The following FGF17 variants were observed in gnomAD, a reference collection of about 807,000 sequenced individuals.
FGF17 encodes the protein fibroblast growth factor 17.
FGF17 carries 5 observed loss-of-function variants against 23.5 expected under a neutral mutation model. The observed-to-expected ratio is 0.21, with a 90% CI of 0.11 to 0.45. The LOEUF (loss-of-function observed/expected upper bound fraction) is 0.45, where lower values mean the gene tolerates loss of function less well. FGF17 is among the 20% of genes least tolerant of loss of function. The pLI is 0.99. For synonymous variants in FGF17, 136 were observed against 123.0 expected (o/e 1.11, Z -0.70); for missense variants, 221 against 306.9 (o/e 0.72, Z 2.09).
chr8:22,042,086 C>T (rs1027698918), upstream of FGF17, among the ~76,000 whole-genome samples: 6 of 152,218 alleles, frequency 3.9e-5, no homozygotes, highest in Non-Finnish European at 8.8e-5. Flanking sequence ...CATTACTGTC[C>T]TCATTTCTCA....
chr8:22,043,228 C>T (rs372106895), intron 2 of FGF17, 47 bp downstream of exon 2: 10 of 1,595,850 alleles, frequency 6.3e-6, no homozygotes, highest in South Asian at 2.2e-5. Flanking sequence ...TCCACCCTAC[C>T]TGACCAGGGC....
At chr8:22,041,926 C>T (rs1800745719), upstream of FGF17, among the ~76,000 whole-genome samples, 2 of 152,198 alleles carry the variant, frequency 1.3e-5, no homozygotes, top group African/African-American at 4.8e-5. Context: ...AGGGAGGGGA[C>T]TCCGAGCTGC....
At chr8:22,046,062 G>T (rs779322494) in intron 2 of FGF17, 52 bp from the exon 3 acceptor site, 36 of 1,613,682 alleles carry the variant, frequency 2.2e-5, no homozygotes, top group Non-Finnish European at 3.0e-5. Context: ...TGGACCAGTG[G>T]TGGTGTCACC....
upstream of FGF17, among the ~76,000 whole-genome samples, chr8:22,041,794 A>G (rs1016122981): frequency 2.0e-5 from 3 of 152,212 alleles, no homozygotes; most frequent in Non-Finnish European, 4.4e-5. Flanking sequence ...AATGTGCCTC[A>G]GTTTCCTCAT....
chr8:22,048,030 C>A lies in FGF17; in HGVS notation c.432C>A (p.Ala144=). 1 of 1,613,214 alleles carries A rather than the reference C, an allele frequency of 6.2e-7. No homozygotes were observed. The highest frequency in any genetic ancestry group is 1.1e-5 in the South Asian group (1 of 91,046). The part of the protein sequence containing the change: ...LENNYTAFQN[A]RHEGWFMAFT... ...ACAACTATACGGCCTTCCAGAACGC[C>A]CGGCACGAGGGCTGGTTCATGGCCT... The change falls in exon 5 of 5, where the codon GCC becomes GCA. Residue 144 remains alanine (A), a synonymous_variant. Transcript: ENST00000359441. The surrounding 1 kb of genome is among the most constrained non-coding windows in gnomAD (Gnocchi z 6.9).
At position 22,046,531 on chromosome 8, in the gene FGF17, G is replaced by A; in HGVS notation, c.255G>A (p.Lys85=). 2 of 1,612,704 alleles carry A rather than the reference G, an allele frequency of 1.2e-6. No individual in the cohort carries two copies. The highest frequency in any genetic ancestry group is 1.7e-6 in the Non-Finnish European group (2 of 1,179,240). The change falls in exon 4 of 5, where the codon AAG becomes AAA. Residue 85 remains lysine, a synonymous_variant. Coordinates refer to ENST00000359441, the MANE Select transcript of FGF17 (RefSeq NM_003867.4). The part of the protein sequence containing the change: ...ATAEDGNKFA[K]LIVETDTFGS... The stretch of plus-strand genomic sequence containing the variant: ...TTCTCCCCTCCCCCACCACAGCCAA[G>A]CTCATAGTGGAGACGGACACGTTTG...
At position 22,047,858 on chromosome 8, in the gene FGF17, C is replaced by T. The variant is rs1428465233; in HGVS notation, c.358-98C>T. On this transcript the variant is annotated intron_variant, in intron 4 of 4. Coordinates refer to ENST00000359441, the MANE Select transcript of FGF17 (RefSeq NM_003867.4). ...CCTGGGCTCACGGCCCCGTTGTTCC[C>T]GTTGTCCCTCCTCAGTCGTCCAAAA... 28 of 1,237,360 alleles carry T rather than the reference C, an allele frequency of 2.3e-5. 1 individual carries two copies. In the South Asian group the frequency reaches 4.1e-4, roughly 18 times the overall value. The allele number at this position is 1,237,360 out of a possible 1,614,324, so 76.6% of individuals were successfully genotyped here. A position where few individuals can be genotyped will look rare whatever the true frequency, so the allele number is the denominator to read the frequency against.
At chr8:22,045,427 T>C (rs1800844435) in intron 2 of FGF17, 5 of 990,362 alleles carry the variant, frequency 5.0e-6, no homozygotes, top group Admixed American at 1.2e-4. Context: ...CAGCCCCAGC[T>C]CCAGCCCATA....
At position 22,046,753 on chromosome 8, in the gene FGF17, C is replaced by T. The variant is rs552040652; in HGVS notation, c.357+120C>T. The T allele has an allele frequency of 7.2e-5, 50 of 697,540 alleles. No homozygotes were observed. In the South Asian group the frequency reaches 8.5e-4, roughly 12 times the overall value. 43.2% of individuals were successfully genotyped at this position (697,540 alleles called of 1,614,324 possible). A position where few individuals can be genotyped will look rare whatever the true frequency, so the allele number is the denominator to read the frequency against. ...ACCCTCCTGTGTAAAGACTTCCCAT[C>T]CTACTCTCAGCCCACCCACTGGGCC... On this transcript the variant is annotated intron_variant, in intron 4 of 4. Coordinates refer to ENST00000359441, the MANE Select transcript of FGF17 (RefSeq NM_003867.4).
intron 2 of FGF17, chr8:22,045,189 C>T (rs907280662): frequency 5.5e-5 from 54 of 985,398 alleles, no homozygotes; most frequent in East Asian, 1.1e-4. Flanking sequence ...TTGCACAGTG[C>T]GTGGGGGGAA....
At position 22,046,190 on chromosome 8, in the gene FGF17, G is replaced by A. The variant is rs758700089; in HGVS notation, c.149G>A (p.Arg50Gln). ...GCCATGACCGACCAGCTGAGCAGGC[G>A]GCAGATCCGCGAGTACCAACTCTAC... is the stretch of plus-strand genomic sequence containing the variant. The part of the protein sequence containing the change: ...QGAMTDQLSR[R>Q]QIREYQLYSR... Residue 50 changes from arginine to glutamine, a missense_variant, in exon 3 of 5, where the codon CGG becomes CAG. Arg to Gln is a conservative substitution (Grantham distance 43, BLOSUM62 1). Coordinates refer to ENST00000359441, the MANE Select transcript of FGF17 (RefSeq NM_003867.4). 4.3e-6 allele frequency: 7 copies of A among 1,614,098 alleles called. No homozygotes were observed. The highest frequency in any genetic ancestry group is 1.3e-5 in the African/African-American group (1 of 75,072).
In FGF17 at chr8:22,046,643, G is replaced by C; in HGVS notation, c.357+10G>C. The C allele has an allele frequency of 6.3e-7, 1 of 1,585,972 alleles. No individual in the cohort carries two copies. Among genetic ancestry groups the C allele is most frequent in the Non-Finnish European group, 8.7e-7 (1 of 1,154,522 alleles). On this transcript the variant is annotated intron_variant, in intron 4 of 4. Transcript: ENST00000359441. ...CAAGCTCATCGGGAAGGTGAGGCTGGGAGACTGGGAAGTAACAGAGAATCA... is the reference window on the plus strand; with the variant it reads ...CAAGCTCATCGGGAAGGTGAGGCTGCGAGACTGGGAAGTAACAGAGAATCA...
chr8:22,044,030 C>G (rs1344484141), intron 2 of FGF17, among the ~76,000 whole-genome samples: 1 of 151,716 alleles, frequency 6.6e-6, no homozygotes. Flanking sequence ...AGACAATTCC[C>G]CCCCCCTTCC....
chr8:22,044,615 C>G (rs1033055882), intron 2 of FGF17: 8 of 916,284 alleles, frequency 8.7e-6, no homozygotes, highest in Non-Finnish European at 1.0e-5. Context: ...AGGACCCCAC[C>G]CCCTGGAAGG....
In FGF17 at chr8:22,043,194, T is replaced by C. The variant is rs200967245; in HGVS notation, c.72+13T>C. 2.5e-6 allele frequency: 4 copies of C among 1,612,828 alleles called. No individual in the cohort carries two copies. The highest frequency in any genetic ancestry group is 3.3e-5 in the Admixed American group (2 of 60,004). The stretch of plus-strand genomic sequence containing the variant: ...CTGTCAAACTCAGGTAGGCGGGCAT[T>C]CCCACCGGCTTTCCCCCAATTTTTC... On this transcript the variant is annotated intron_variant, in intron 2 of 4. Coordinates refer to ENST00000359441, the MANE Select transcript of FGF17 (RefSeq NM_003867.4).
intron 4 of FGF17, among the ~76,000 whole-genome samples, chr8:22,047,014 C>T (rs1213928467): frequency 2.8e-5 from 4 of 143,070 alleles, no homozygotes; most frequent in African/African-American, 1.1e-4. Flanking sequence ...CTCAAACTCA[C>T]GGGCTAAAGC....
chr8:22,045,531 A>C (rs1169335155), intron 2 of FGF17: 1 of 993,218 alleles, frequency 1.0e-6, no homozygotes, highest in Non-Finnish European at 1.2e-6. Flanking sequence ...TTAGTGCTTC[A>C]AAGAAATGCT....
intron 2 of FGF17, among the ~76,000 whole-genome samples, chr8:22,044,110 C>T (rs542755172): frequency 6.6e-5 from 10 of 152,154 alleles, no homozygotes; most frequent in East Asian, 1.9e-4. Flanking sequence ...AGAAGAAAGC[C>T]CCCAGCCTGG....
chr8:22,046,676 T>C, intron 4 of FGF17, 43 bp downstream of exon 4: 1 of 1,389,940 alleles, frequency 7.2e-7, no homozygotes, highest in Non-Finnish European at 1.0e-6. Flanking sequence ...TCAGCCCTAC[T>C]GGGGTGGGGA....
Sources: gnomAD v4.1 joint callset for allele counts (sites outside exome capture counted in the v4.1 genomes callset) on GRCh38, gnomAD v4.1.1 for gene constraint, Gnocchi (gnomAD v3.1) non-coding constraint, MANE v1.5 for transcripts, NCBI Gene and HGNC (gene_info 2026-07-23, HGNC 2026-07-21) for gene names.